PDE10A: variants seen among roughly 807,000 people sequenced by gnomAD.
The protein encoded by PDE10A is cAMP and cAMP-inhibited cGMP 3',5'-cyclic phosphodiesterase 10A.
PDE10A carries 39 observed loss-of-function variants against 97.7 expected under a neutral mutation model. That is an observed-to-expected ratio of 0.40 (90% CI 0.31 to 0.52). The LOEUF is 0.52. Among genes scored for constraint, PDE10A ranks in the 20% least tolerant of loss-of-function variants. The probability of loss-of-function intolerance (pLI) is 0.56; values close to 1 mark genes in which losing one functional copy is unlikely to be tolerated. For synonymous variants in PDE10A, 371 were observed against 376.8 expected (o/e 0.98, Z 0.18); for missense variants, 731 against 1,047.8 (o/e 0.70, Z 4.17).
At chr6:165,540,436 A>G (rs1038794822) in intron 2 of PDE10A, among the ~76,000 whole-genome samples, 5 of 152,266 alleles carry the variant, frequency 3.3e-5, no homozygotes, top group Admixed American at 2.0e-4. Context: ...TAAATGACAA[A>G]AAATGAAATA....
At chr6:165,424,102 C>T (rs972929936) in intron 10 of PDE10A, among the ~76,000 whole-genome samples, 1 of 152,136 alleles carries the variant, frequency 6.6e-6, no homozygotes, top group Admixed American at 6.5e-5. Context: ...CCCCATCCCC[C>T]AAAGTAGAAC....
chr6:165,779,349 G>A (rs1373688286), intron 1 of PDE10A, among the ~76,000 whole-genome samples: 3 of 152,248 alleles, frequency 2.0e-5, no homozygotes, highest in Non-Finnish European at 1.5e-5. Context: ...GTGAATGATC[G>A]TGTGTTCACA....
intron 1 of PDE10A, among the ~76,000 whole-genome samples, chr6:165,762,688 G>A (rs545912569): frequency 1.0e-4 from 15 of 146,712 alleles, no homozygotes; most frequent in African/African-American, 3.8e-4. Flanking sequence ...TAAAAATTTT[G>A]TCTACTTTTC....
chr6:165,378,946 A>T (rs1356176621), intron 18 of PDE10A, among the ~76,000 whole-genome samples: 2 of 152,358 alleles, frequency 1.3e-5, no homozygotes, highest in Admixed American at 1.3e-4. Context: ...GAAAGTTGCC[A>T]ATCCCTGTGT....
rs1788075666 is a variant in PDE10A, at chr6:165,413,705, CA to C, written c.1890-19del. ...CTACTTCTCTGTGGGGTGACAGAAC[CA>C]AAAATAACAACAACAACAAAAGGGC... On this transcript the variant is annotated intron_variant, in intron 12 of 21. Coordinates refer to ENST00000539869, the MANE Select transcript of PDE10A (RefSeq NM_001385079.1). 1.3e-5 allele frequency: 20 copies of C among 1,580,730 alleles called. No individual in the cohort carries two copies. Among genetic ancestry groups the C allele is most frequent in the African/African-American group, 2.8e-5 (2 of 72,138 alleles).
chr6:165,833,647 C>G (rs1779988061), intron 1 of PDE10A, among the ~76,000 whole-genome samples: 1 of 152,244 alleles, frequency 6.6e-6, no homozygotes. Context: ...GAGGGAGCAG[C>G]TGCTCTGCCA....
At chr6:165,443,952 T>A (rs1283035533) in intron 5 of PDE10A, among the ~76,000 whole-genome samples, 1 of 152,218 alleles carries the variant, frequency 6.6e-6, no homozygotes, top group Non-Finnish European at 1.5e-5. Context: ...GCTCCTCGTA[T>A]GCAAATTTCT....
chr6:165,832,204 T>C (rs972288655), intron 1 of PDE10A, among the ~76,000 whole-genome samples: 2 of 152,118 alleles, frequency 1.3e-5, no homozygotes, highest in African/African-American at 2.4e-5. Flanking sequence ...AAATGGAAAA[T>C]ACTTAGTTCC....
At chr6:165,769,691 T>C (rs1777952819) in intron 1 of PDE10A, among the ~76,000 whole-genome samples, 1 of 152,164 alleles carries the variant, frequency 6.6e-6, no homozygotes, top group Non-Finnish European at 1.5e-5. Flanking sequence ...TGGAAAACAT[T>C]AGCAAAATTG....
chr6:165,818,268 G>C lies in PDE10A; in HGVS notation c.-615+169261C>G, dbSNP rs774658632. ...ACTCCCTTCCCAATAAGAAGTAAAAGGAGAAACTGATGAAGGAGGCTGAGA... is the reference window on the plus strand; with the variant it reads ...ACTCCCTTCCCAATAAGAAGTAAAACGAGAAACTGATGAAGGAGGCTGAGA... On this transcript the variant is annotated intron_variant, in intron 1 of 19. Transcript: ENST00000366882. Among the ~76,000 whole-genome samples, 43 of 152,268 alleles carry C rather than the reference G, an allele frequency of 2.8e-4. 1 individual carries two copies. In the Middle Eastern group the frequency reaches 0.01, roughly 36 times the overall value.
intron 1 of PDE10A, among the ~76,000 whole-genome samples, chr6:165,759,058 C>A (rs1793191119): frequency 6.6e-6 from 1 of 152,192 alleles, no homozygotes; most frequent in Non-Finnish European, 1.5e-5. Flanking sequence ...GTGTCCACAT[C>A]CCACAGCCGG....
chr6:165,580,391 T>A (rs536084865), intron 1 of PDE10A, among the ~76,000 whole-genome samples: 1 of 152,266 alleles, frequency 6.6e-6, no homozygotes, highest in East Asian at 1.9e-4. Flanking sequence ...ACAAACAGTT[T>A]GATGTTGCCA....
At chr6:165,553,304 TAAAC>T (rs1784105296) in intron 1 of PDE10A, among the ~76,000 whole-genome samples, 1 of 152,146 alleles carries the variant, frequency 6.6e-6, no homozygotes, top group Admixed American at 6.6e-5. Flanking sequence ...GTGACAGACG[TAAAC>T]AGTTTTCACT....
intron 3 of PDE10A, among the ~76,000 whole-genome samples, chr6:165,455,868 T>C (rs1777923607): frequency 6.6e-6 from 1 of 152,224 alleles, no homozygotes; most frequent in Non-Finnish European, 1.5e-5. Flanking sequence ...TTCTCAGTTA[T>C]TTTCTAGCTC....
At chr6:165,443,450 G>A (rs1400223560) in intron 5 of PDE10A, among the ~76,000 whole-genome samples, 1 of 152,186 alleles carries the variant, frequency 6.6e-6, no homozygotes, top group Non-Finnish European at 1.5e-5. Flanking sequence ...TGCAGGGTAT[G>A]GCCCCTGTGG....
rs566983077 is a variant in PDE10A, at chr6:165,398,408, G to A, written c.2077-1949C>T. Among the ~76,000 whole-genome samples, 2 of 151,894 alleles carry A rather than the reference G, an allele frequency of 1.3e-5. 1 individual carries two copies. Among genetic ancestry groups the A allele is most frequent in the South Asian group, 4.2e-4 (2 of 4,806 alleles). On this transcript the variant is annotated intron_variant, in intron 13 of 21. Coordinates refer to ENST00000539869, the MANE Select transcript of PDE10A (RefSeq NM_001385079.1). ...AGGCATGAGAATCATTTGAACCAGGGAGGCAAGAGGTGGAGGTTTCAGTGA... is the reference window on the plus strand; with the variant it reads ...AGGCATGAGAATCATTTGAACCAGGAAGGCAAGAGGTGGAGGTTTCAGTGA...
chr6:165,564,098 G>T (rs919653472), intron 1 of PDE10A, among the ~76,000 whole-genome samples: 1 of 152,126 alleles, frequency 6.6e-6, no homozygotes, highest in Non-Finnish European at 1.5e-5. Context: ...CCCTTGGCTG[G>T]AATTTCTCTT....
chr6:165,750,616 A>C (rs569062872), intron 1 of PDE10A, among the ~76,000 whole-genome samples: 35 of 152,340 alleles, frequency 2.3e-4, no homozygotes, highest in African/African-American at 7.7e-4. Context: ...TGGGGCCCAC[A>C]GGAAGTACAA....
At chr6:165,476,527 G>T (rs980523024) in intron 3 of PDE10A, among the ~76,000 whole-genome samples, 2 of 152,128 alleles carry the variant, frequency 1.3e-5, no homozygotes, top group Non-Finnish European at 2.9e-5. Flanking sequence ...AAAGACATGG[G>T]TATTTCTAGT....
Sources: gnomAD v4.1 joint callset for allele counts (sites outside exome capture counted in the v4.1 genomes callset) on GRCh38, gnomAD v4.1.1 for gene constraint, MANE v1.5 for transcripts, NCBI Gene and HGNC (gene_info 2026-07-23, HGNC 2026-07-21) for gene names.